MYO18A: variants seen among roughly 807,000 people sequenced by gnomAD.
The protein encoded by MYO18A is unconventional myosin-XVIIIa.
MYO18A carries 78 observed loss-of-function variants against 235.8 expected under a neutral mutation model. That is an observed-to-expected ratio of 0.33 (90% CI 0.28 to 0.40). The LOEUF (loss-of-function observed/expected upper bound fraction) is 0.40. MYO18A is among the 10% of genes least tolerant of loss of function. The pLI is 1.00. For missense variants in MYO18A, 2,215 were observed against 2,699.3 expected (o/e 0.82, Z 3.98); for synonymous variants, 977 against 1,077.8 (o/e 0.91, Z 1.83).
chr17:29,176,014 C>A (rs1027621957), intron 1 of MYO18A, among the ~76,000 whole-genome samples: 1 of 152,018 alleles, frequency 6.6e-6, no homozygotes, highest in Non-Finnish European at 1.5e-5. Flanking sequence ...GCCAAGATTG[C>A]GCCACTGCAC....
rs778181824 is a variant in MYO18A at position 29,115,459 on chromosome 17, C to T, written c.2228-18G>A. On this transcript the variant is annotated intron_variant, in intron 12 of 41. Transcript: ENST00000527372. ...TTTCGGGCCTGTGGGGCAGGGGGAGCAGCGCTATCTCCTTCTCCCCAGGGC... is the reference window on the plus strand; with the variant it reads ...TTTCGGGCCTGTGGGGCAGGGGGAGTAGCGCTATCTCCTTCTCCCCAGGGC... 9.9e-6 allele frequency: 16 copies of T among 1,610,520 alleles called. No homozygotes were observed. The highest frequency in any genetic ancestry group is 1.4e-5 in the Non-Finnish European group (16 of 1,178,578).
chr17:29,142,134 C>T (rs1164197955), intron 2 of MYO18A, among the ~76,000 whole-genome samples: 5 of 152,164 alleles, frequency 3.3e-5, no homozygotes, highest in South Asian at 2.1e-4. Context: ...TTAGTAGAGA[C>T]GGGGTTTCAC....
chr17:29,164,302 C>T (rs777060072), intron 2 of MYO18A, among the ~76,000 whole-genome samples: 1 of 152,228 alleles, frequency 6.6e-6, no homozygotes, highest in African/African-American at 2.4e-5. Context: ...TCAATGTGTG[C>T]TTCTGGAATG....
At chr17:29,174,518 TA>T (rs752460096) in intron 1 of MYO18A, among the ~76,000 whole-genome samples, 12 of 150,118 alleles carry the variant, frequency 8.0e-5, no homozygotes, top group South Asian at 2.1e-4. Context: ...ATAAAAAAAA[TA>T]AAAAAAAATA....
chr17:29,130,472 TCCCACACACACA>T (rs2067440974), intron 2 of MYO18A, among the ~76,000 whole-genome samples: 1 of 76,784 alleles, frequency 1.3e-5, no homozygotes, highest in Non-Finnish European at 2.4e-5. Flanking sequence ...CTGAGGCCTC[TCCCACACACACA>T]CACACACACA....
intron 2 of MYO18A, among the ~76,000 whole-genome samples, chr17:29,148,252 A>G (rs535382246): frequency 2.0e-5 from 3 of 152,250 alleles, no homozygotes; most frequent in South Asian, 2.1e-4. Context: ...AAAAAAGTCT[A>G]TAAGCACTGT....
chr17:29,170,031 T>C (rs1195422625), intron 1 of MYO18A, among the ~76,000 whole-genome samples: 4 of 152,184 alleles, frequency 2.6e-5, no homozygotes, highest in Non-Finnish European at 5.9e-5. Context: ...TCAGGAGATT[T>C]GGTATCTAGG....
intron 18 of MYO18A, 92 bp from the exon 19 acceptor site, chr17:29,110,193 G>A (rs2066895379): frequency 3.3e-6 from 5 of 1,504,700 alleles, no homozygotes; most frequent in Non-Finnish European, 4.5e-6. Flanking sequence ...TGCTCACAGG[G>A]TAGCAGCGGC....
In MYO18A at chr17:29,093,274, C is replaced by T. The variant is rs202187680; in HGVS notation, c.4926+49G>A. 36 of 1,510,208 alleles carry T rather than the reference C, an allele frequency of 2.4e-5. No individual in the cohort carries two copies. In the East Asian group the frequency reaches 5.3e-4, roughly 22 times the overall value. The allele number at this position is 1,510,208 out of a possible 1,614,324, so 93.6% of individuals were successfully genotyped here. A position where few individuals can be genotyped will look rare whatever the true frequency, so the allele number is the denominator to read the frequency against. ...TCCCTAGGATCCCCACTCCTCAGGCCGCATGGGCAGGGAGCCGGCCAGGCT... is the reference window on the plus strand; with the variant it reads ...TCCCTAGGATCCCCACTCCTCAGGCTGCATGGGCAGGGAGCCGGCCAGGCT... On this transcript the variant is annotated intron_variant, in intron 32 of 41. Coordinates refer to ENST00000527372, the MANE Select transcript of MYO18A (RefSeq NM_078471.4).
At position 29,098,576 on chromosome 17, in the gene MYO18A, A is replaced by G. The variant is rs531280058; in HGVS notation, c.3781-131T>C. 186 of 1,135,038 alleles carry G rather than the reference A, an allele frequency of 1.6e-4. 2 individuals are homozygous for G. In the African/African-American group the frequency reaches 2.2e-3, roughly 13 times the overall value. The allele number at this position is 1,135,038 out of a possible 1,614,324, so 70.3% of individuals were successfully genotyped here. ...ACGCCATGGGGAAGGCATGTCCCCA[A>G]TAGCAGAGCCACTGCCTCCTGGGGA... On this transcript the variant is annotated intron_variant, in intron 23 of 41. Transcript: ENST00000527372.
At chr17:29,141,613 G>A (rs532100007) in intron 2 of MYO18A, among the ~76,000 whole-genome samples, 1 of 152,310 alleles carries the variant, frequency 6.6e-6, no homozygotes, top group Admixed American at 6.5e-5. Context: ...AGAGAGGATG[G>A]AAACCCAGCC....
rs528244752 is a variant in MYO18A at position 29,072,779 on chromosome 17, G to A, written c.*1991C>T. The A allele has an allele frequency of 6.6e-6, 1 of 152,292 alleles. No individual in the cohort carries two copies. The highest frequency in any genetic ancestry group is 1.9e-4 in the East Asian group (1 of 5,182). 9.4% of individuals were successfully genotyped at this position (152,292 alleles called of 1,614,324 possible). On this transcript the variant is annotated 3_prime_UTR_variant, in exon 42 of 42. Transcript: ENST00000527372. ...GTCCAAACTACTTTATTCATTCAGG[G>A]ATTATAACTGGCCACACTACAGAAT...
intron 2 of MYO18A, 57 bp from the exon 3 acceptor site, chr17:29,122,310 A>G: frequency 6.6e-7 from 1 of 1,513,318 alleles, no homozygotes; most frequent in South Asian, 1.2e-5. Flanking sequence ...GGACAAGGAC[A>G]GCCGTAGAGG....
At chr17:29,082,141 G>C (rs989295225) in intron 41 of MYO18A, among the ~76,000 whole-genome samples, 175 bp downstream of exon 41, 1 of 152,240 alleles carries the variant, frequency 6.6e-6, no homozygotes, top group Non-Finnish European at 1.5e-5. Context: ...GGGCGACGCA[G>C]CCCTGGCTAA....
chr17:29,079,383 A>G (rs1459556429), intron 41 of MYO18A, among the ~76,000 whole-genome samples: 1 of 152,244 alleles, frequency 6.6e-6, no homozygotes. Flanking sequence ...CCTCAGCTTC[A>G]TCTTCTATGA....
At chr17:29,087,178 G>A in intron 37 of MYO18A, 57 bp from the exon 38 acceptor site, 3 of 1,552,276 alleles carry the variant, frequency 1.9e-6, no homozygotes, top group Non-Finnish European at 2.6e-6. Flanking sequence ...GCCAGGCAGA[G>A]GGAGGGTGTG....
intron 2 of MYO18A, among the ~76,000 whole-genome samples, chr17:29,156,056 C>G (rs1271533479): frequency 6.6e-6 from 1 of 152,208 alleles, no homozygotes; most frequent in Non-Finnish European, 1.5e-5. Context: ...TTAGCACCCA[C>G]TCTCTCCTCC....
rs976240639 is a variant in MYO18A, at chr17:29,103,495, G to A, written c.3507+104C>T. ...GGGCAAGACTCAGAGGGCACCAGGA[G>A]ACTGGTGATGTCTGGCTGAGCAAAG... On this transcript the variant is annotated intron_variant, in intron 21 of 41. Transcript: ENST00000527372. The A allele has an allele frequency of 3.5e-6, 4 of 1,145,976 alleles. No homozygotes were observed. The East Asian group carries it at 7.3e-5, about 21-fold the overall frequency. 71.0% of individuals were successfully genotyped at this position (1,145,976 alleles called of 1,614,324 possible). A position where few individuals can be genotyped will look rare whatever the true frequency, so the allele number is the denominator to read the frequency against.
At chr17:29,133,954 G>A in intron 2 of MYO18A, 3 of 841,774 alleles carry the variant, frequency 3.6e-6, no homozygotes, top group Non-Finnish European at 5.0e-6. Context: ...GGGCAACAAG[G>A]GGAAAGGAGG....
Sources: allele counts gnomAD v4.1 joint callset (sites outside exome capture counted in the v4.1 genomes callset), GRCh38; gene constraint gnomAD v4.1.1; transcripts MANE v1.5; gene names NCBI Gene and HGNC (gene_info 2026-07-23, HGNC 2026-07-21).